HNRNPAB: variants seen among roughly 807,000 people sequenced by gnomAD.
HNRNPAB encodes heterogeneous nuclear ribonucleoprotein A/B, also known as ABBP-1.
HNRNPAB carries 17 observed loss-of-function variants against 44.1 expected under a neutral mutation model. That is an observed-to-expected ratio of 0.39 (90% confidence interval 0.26 to 0.58). HNRNPAB has a LOEUF of 0.58. Among genes scored for constraint, HNRNPAB ranks in the 20% least tolerant of loss-of-function variants. The pLI is 0.63. For synonymous variants in HNRNPAB, 183 were observed against 167.6 expected (o/e 1.09, Z -0.71); for missense variants, 393 against 432.7 (o/e 0.91, Z 0.81).
At chr5:178,205,127 GGC>G in intron 2 of HNRNPAB, 81 bp downstream of exon 2, 1 of 1,060,918 alleles carries the variant, frequency 9.4e-7, no homozygotes, top group Middle Eastern at 3.6e-4. Context: ...CGGGGGGAGG[GGC>G]GGCGGCCTGG....
rs1422336277 is a variant in HNRNPAB at position 178,205,044 on chromosome 5, G to A, written c.207G>A (p.Ala69=). ...QINASKNEED[A]GKMFVGGLSW... ...ACGCCAGCAAGAACGAGGAGGACGC[G>A]GGGTAGGTGCGGCCGCGGGCGGACG... The change falls in exon 2 of 8, where the codon GCG becomes GCA. Residue 69 remains alanine, a splice_region_variant and synonymous_variant. Transcript: ENST00000358344. 8.3e-7 allele frequency: 1 copy of A among 1,206,712 alleles called. No homozygotes were observed. The highest frequency in any genetic ancestry group is 4.1e-5 in the South Asian group (1 of 24,162). The allele number at this position is 1,206,712 out of a possible 1,614,324, so 74.8% of individuals were successfully genotyped here.
intron 5 of HNRNPAB, among the ~76,000 whole-genome samples, chr5:178,209,108 T>A (rs1757361644): frequency 6.6e-6 from 1 of 152,202 alleles, no homozygotes; most frequent in Admixed American, 6.5e-5. Context: ...GAGATGCCCA[T>A]CTCAAGTGCA....
intron 5 of HNRNPAB, 106 bp from the exon 6 acceptor site, chr5:178,209,223 CA>C: frequency 1.1e-6 from 1 of 916,918 alleles, no homozygotes; most frequent in East Asian, 2.4e-5. Flanking sequence ...TGTTTCTCAG[CA>C]AATGGACCTG....
intron 2 of HNRNPAB, chr5:178,205,577 T>C (rs1475788576): frequency 5.3e-6 from 2 of 378,360 alleles, no homozygotes; most frequent in East Asian, 8.7e-5. Context: ...TTTCCAGTTA[T>C]GAGTGGTTAG....
At chr5:178,204,769 TG>T in intron 1 of HNRNPAB, 29 bp downstream of exon 1, 2 of 1,048,100 alleles carry the variant, frequency 1.9e-6, no homozygotes, top group Non-Finnish European at 2.4e-6. Flanking sequence ...GCGGGAGCTC[TG>T]GCGGGAGCCG....
chr5:178,208,504 T>C (rs1422127680), intron 5 of HNRNPAB: 1 of 152,236 alleles, frequency 6.6e-6, no homozygotes, highest in Non-Finnish European at 1.5e-5. Context: ...TAGTTGGTTA[T>C]ATTCAGTATT....
chr5:178,210,822 G>A lies in HNRNPAB; in HGVS notation c.*199G>A. 1 of 602,302 alleles carries A rather than the reference G, an allele frequency of 1.7e-6. No homozygotes were observed. The highest frequency in any genetic ancestry group is 1.9e-5 in the South Asian group (1 of 51,646). The allele number at this position is 602,302 out of a possible 1,614,324, so 37.3% of individuals were successfully genotyped here. A position where few individuals can be genotyped will look rare whatever the true frequency, so the allele number is the denominator to read the frequency against. ...GGTGTTTAGGCAGCGTGTGGTGTCT[G>A]AGAGGCCATAGCGCCATCATGGGCT... On this transcript the variant is annotated 3_prime_UTR_variant, in exon 8 of 8. Coordinates refer to ENST00000358344, the MANE Select transcript of HNRNPAB (RefSeq NM_031266.3).
chr5:178,205,019 A>T lies in HNRNPAB; in HGVS notation c.182A>T (p.Asn61Ile). The T allele has an allele frequency of 1.7e-6, 2 of 1,207,428 alleles. No individual in the cohort carries two copies. The highest frequency in any genetic ancestry group is 2.1e-6 in the Non-Finnish European group (2 of 972,266). 74.8% of individuals were successfully genotyped at this position (1,207,428 alleles called of 1,614,324 possible). ...AACGGCGCCGAGGGCGACCAGATCA[A>T]CGCCAGCAAGAACGAGGAGGACGCG... ...NQNGAEGDQI[N>I]ASKNEEDAGK... is the part of the protein sequence containing the mutation. Residue 61 changes from asparagine (N) to isoleucine (I), a missense_variant, in exon 2 of 8, where the codon AAC becomes ATC. Physicochemically the swap from Asn to Ile is moderately radical, Grantham distance 149 (BLOSUM62 -3). Coordinates refer to ENST00000358344, the MANE Select transcript of HNRNPAB (RefSeq NM_031266.3).
At chr5:178,207,369 T>G (rs1757114637) in intron 5 of HNRNPAB, 144 bp downstream of exon 5, 6 of 928,722 alleles carry the variant, frequency 6.5e-6, no homozygotes, top group Admixed American at 5.4e-5. Flanking sequence ...CTGCCCTGAT[T>G]GGGGCAGTGT....
intron 6 of HNRNPAB, 150 bp downstream of exon 6, chr5:178,209,597 C>G (rs1757553294): frequency 1.5e-6 from 1 of 679,072 alleles, no homozygotes; most frequent in Non-Finnish European, 2.6e-6. Flanking sequence ...GGCTCTGGGT[C>G]AGGGCTGTAT....
intron 1 of HNRNPAB, 31 bp from the exon 2 acceptor site, chr5:178,204,784 C>G: frequency 8.7e-7 from 1 of 1,144,658 alleles, no homozygotes; most frequent in Non-Finnish European, 1.1e-6. Flanking sequence ...GGAGCCGCGC[C>G]GGCCTGACGC....
At chr5:178,205,793 C>T (rs781019086) in intron 2 of HNRNPAB, 49 bp from the exon 3 acceptor site, 1 of 1,580,844 alleles carries the variant, frequency 6.3e-7, no homozygotes, top group African/African-American at 1.3e-5. Flanking sequence ...TCCAAAATCA[C>T]AGCTTGCTTA....
chr5:178,209,511 T>G, intron 6 of HNRNPAB, 64 bp downstream of exon 6: 3 of 1,396,068 alleles, frequency 2.1e-6, no homozygotes, highest in Non-Finnish European at 3.0e-6. Flanking sequence ...TCCAAGCCTG[T>G]CTTGGGGCTC....
chr5:178,208,026 A>G (rs1437424594), intron 5 of HNRNPAB, among the ~76,000 whole-genome samples: 2 of 152,144 alleles, frequency 1.3e-5, no homozygotes, highest in East Asian at 1.9e-4. Flanking sequence ...AAATCCTTCC[A>G]AAGATCTCCC....
At position 178,210,681 on chromosome 5, in the gene HNRNPAB, A is replaced by G. The variant is rs1757995329; in HGVS notation, c.*58A>G. 1.5e-6 allele frequency: 2 copies of G among 1,344,000 alleles called. No individual in the cohort carries two copies. The highest frequency in any genetic ancestry group is 4.6e-5 in the East Asian group (2 of 43,528). The allele number at this position is 1,344,000 out of a possible 1,614,324, so 83.3% of individuals were successfully genotyped here. On this transcript the variant is annotated 3_prime_UTR_variant, in exon 8 of 8. Coordinates refer to ENST00000358344, the MANE Select transcript of HNRNPAB (RefSeq NM_031266.3). ...CATGCTTTGTTTGGATATGGAGTGAACACAATTATGTACCAAATTTAACTT... is the reference window on the plus strand; with the variant it reads ...CATGCTTTGTTTGGATATGGAGTGAGCACAATTATGTACCAAATTTAACTT...
chr5:178,207,827 C>T (rs1025642900), intron 5 of HNRNPAB, among the ~76,000 whole-genome samples: 1 of 151,180 alleles, frequency 6.6e-6, no homozygotes, highest in Non-Finnish European at 1.5e-5. Flanking sequence ...CTCAGCCTCT[C>T]GAGTAGCTGG....
chr5:178,210,725 T>C lies in HNRNPAB; in HGVS notation c.*102T>C. ...TTAACTTGGCAAACTTTCTATTGCC[T>C]GTCCCATGTGCATCTTATTTAAAAT... On this transcript the variant is annotated 3_prime_UTR_variant, in exon 8 of 8. Transcript: ENST00000358344. 2.4e-6 allele frequency: 2 copies of C among 841,898 alleles called. No homozygotes were observed. Among genetic ancestry groups the C allele is most frequent in the South Asian group, 2.8e-5 (2 of 71,616 alleles). The allele number at this position is 841,898 out of a possible 1,614,324, so 52.2% of individuals were successfully genotyped here. A position where few individuals can be genotyped will look rare whatever the true frequency, so the allele number is the denominator to read the frequency against.
At chr5:178,209,268 T>G (rs1356380880) in intron 5 of HNRNPAB, 62 bp from the exon 6 acceptor site, 1 of 1,291,776 alleles carries the variant, frequency 7.7e-7, no homozygotes, top group East Asian at 2.3e-5. Flanking sequence ...AGTGAAGGTG[T>G]TTGGGCAGTC....
At chr5:178,209,521 C>T (rs1757520793) in intron 6 of HNRNPAB, 74 bp downstream of exon 6, 2 of 1,300,022 alleles carry the variant, frequency 1.5e-6, no homozygotes, top group African/African-American at 1.4e-5. Flanking sequence ...TCTTGGGGCT[C>T]CCTCTGGTGC....
Sources: gnomAD v4.1 joint callset for allele counts (sites outside exome capture counted in the v4.1 genomes callset) on GRCh38, gnomAD v4.1.1 for gene constraint, MANE v1.5 for transcripts, NCBI Gene and HGNC (gene_info 2026-07-23, HGNC 2026-07-21) for gene names.